Variants in CFAP57 observed in about 807,000 individuals in gnomAD.
The protein encoded by CFAP57 is cilia- and flagella-associated protein 57.
Under a neutral mutation model 146.8 loss-of-function variants are expected in CFAP57, and 116 were observed. That is an observed-to-expected ratio of 0.79 (90% CI 0.68 to 0.92). CFAP57 has a LOEUF of 0.92. Ranked by LOEUF, CFAP57 falls within the 40% of genes least tolerant of loss-of-function variation. The probability of loss-of-function intolerance (pLI) is 0.00; values close to 1 mark genes in which losing one functional copy is unlikely to be tolerated. For synonymous variants in CFAP57, 518 were observed against 552.8 expected, an observed-to-expected ratio of 0.94 and a Z score of 0.88; for missense variants, 1,377 against 1,527.2, an observed-to-expected ratio of 0.90 and a Z score of 1.64.
chr1:43,215,549 C>T (rs1644802099), intron 12 of CFAP57, 133 bp downstream of exon 12: 1 of 1,052,108 alleles, frequency 9.5e-7, no homozygotes, highest in African/African-American at 1.6e-5. Flanking sequence ...GCTCCCTGCA[C>T]ATCTGCTGTC....
chr1:43,174,433 T>G (rs1645092951), intron 2 of CFAP57, among the ~76,000 whole-genome samples: 1 of 152,268 alleles, frequency 6.6e-6, no homozygotes, highest in Non-Finnish European at 1.5e-5. Context: ...TAGACTATCA[T>G]GTTATCTACA....
At chr1:43,235,225 C>T (rs1645642322) in intron 21 of CFAP57, among the ~76,000 whole-genome samples, 1 of 152,110 alleles carries the variant, frequency 6.6e-6, no homozygotes, top group Admixed American at 6.5e-5. Flanking sequence ...ATAAGCGCCT[C>T]ACACCCACCT....
Position 43,181,436 on chromosome 1 carries a change from C to G in CFAP57, c.158-98C>G, listed in dbSNP as rs1645403077. ...GGCCGCCTTTCTTCTTTGTGTCCAC[C>G]ACTGTCCACTCCAGTGCCCACCACA... On this transcript the variant is annotated intron_variant, in intron 2 of 22. Transcript: ENST00000372492. 2.8e-6 allele frequency: 4 copies of G among 1,408,794 alleles called. No homozygotes were observed. The South Asian group carries it at 3.6e-5, about 13-fold the overall frequency. The allele number at this position is 1,408,794 out of a possible 1,614,324, so 87.3% of individuals were successfully genotyped here.
Position 43,172,452 on chromosome 1 carries a change from A to G in CFAP57, c.-21A>G. On this transcript the variant is annotated splice_region_variant and 5_prime_UTR_variant, in exon 1 of 23. Coordinates refer to ENST00000372492, the MANE Select transcript of CFAP57 (RefSeq NM_001378189.1). ...GTCTGCTGACCCAGAGAGAAACGAAAGGTGGGAGGGGGTACCTGGGGGTCG... is the reference window on the plus strand; with the variant it reads ...GTCTGCTGACCCAGAGAGAAACGAAGGGTGGGAGGGGGTACCTGGGGGTCG... 4.6e-6 allele frequency: 7 copies of G among 1,528,724 alleles called. No individual in the cohort carries two copies. Among genetic ancestry groups the G allele is most frequent in the Middle Eastern group, 1.8e-4 (1 of 5,680 alleles). 94.7% of individuals were successfully genotyped at this position (1,528,724 alleles called of 1,614,324 possible). A position where few individuals can be genotyped will look rare whatever the true frequency, so the allele number is the denominator to read the frequency against.
In CFAP57 at chr1:43,226,966, T is replaced by C. The variant is rs976609990; in HGVS notation, c.2866-17T>C. 4.0e-6 allele frequency: 6 copies of C among 1,489,292 alleles called. No individual in the cohort carries two copies. The African/African-American group carries it at 8.5e-5, about 21-fold the overall frequency. 92.3% of individuals were successfully genotyped at this position (1,489,292 alleles called of 1,614,324 possible). A position where few individuals can be genotyped will look rare whatever the true frequency, so the allele number is the denominator to read the frequency against. On this transcript the variant is annotated splice_polypyrimidine_tract_variant and intron_variant, in intron 17 of 22. Transcript: ENST00000372492. ...GGCCTTACAATATCTCTCACTTCTC[T>C]CTCATCTCACCCCCAGGAGAAGCGA...
chr1:43,191,369 C>T (rs763372361), intron 6 of CFAP57, among the ~76,000 whole-genome samples: 2 of 152,096 alleles, frequency 1.3e-5, no homozygotes, highest in Non-Finnish European at 2.9e-5. Context: ...AGGCAGGTCA[C>T]GAGCTCAGGA....
chr1:43,248,023 G>A (rs1025665079), intron 22 of CFAP57, among the ~76,000 whole-genome samples: 5 of 151,210 alleles, frequency 3.3e-5, no homozygotes, highest in African/African-American at 1.2e-4. Context: ...TACTCGGGAG[G>A]TAGCCACTCA....
intron 2 of CFAP57, among the ~76,000 whole-genome samples, chr1:43,180,296 CTG>C (rs1198421085): frequency 6.7e-6 from 1 of 149,668 alleles, no homozygotes; most frequent in Non-Finnish European, 1.5e-5. Flanking sequence ...TACTTTATGA[CTG>C]TATTGGTATA....
intron 1 of CFAP57, 60 bp from the exon 2 acceptor site, chr1:43,172,675 G>A: frequency 6.3e-7 from 1 of 1,577,172 alleles, no homozygotes; most frequent in Middle Eastern, 2.3e-4. Context: ...TCCGGGCCGG[G>A]GGCGGGGTCG....
rs1479622287 is a variant in CFAP57, at chr1:43,221,403, T to G, written c.2279T>G (p.Val760Gly). The G allele has an allele frequency of 1.3e-6, 2 of 1,543,402 alleles. No individual in the cohort carries two copies. The highest frequency in any genetic ancestry group is 2.7e-5 in the African/African-American group (2 of 72,808). Residue 760 changes from valine (V) to glycine (G), a missense_variant, in exon 14 of 23, where the codon GTT (valine) becomes GGT (glycine). Val to Gly is a moderately radical substitution (Grantham distance 109). Coordinates refer to ENST00000372492, the MANE Select transcript of CFAP57 (RefSeq NM_001378189.1). ...VLRTEKEKQD[V>G]YHHEHIEDLL... ...AGAACAGAAAAAGAGAAGCAGGATG[T>G]TTATCACCATGAGCACATAGAAGAC...
chr1:43,225,887 T>G lies in CFAP57; in HGVS notation c.2866-1096T>G, dbSNP rs149872860. 5.8e-4 allele frequency among the ~76,000 whole-genome samples: 88 copies of G among 152,330 alleles called. No individual in the cohort carries two copies. In the East Asian group the frequency reaches 0.017, roughly 29 times the overall value. ...ACAAATTAACCTTAAAACTTACTGA[T>G]TGAGGCCAGGTGTGGTGGCTCACGC... On this transcript the variant is annotated intron_variant, in intron 17 of 22. Coordinates refer to ENST00000372492, the MANE Select transcript of CFAP57 (RefSeq NM_001378189.1).
At chr1:43,251,412 G>C (rs957582550) in intron 22 of CFAP57, among the ~76,000 whole-genome samples, 4 of 152,180 alleles carry the variant, frequency 2.6e-5, no homozygotes, top group African/African-American at 9.7e-5. Flanking sequence ...GCAGTGATCT[G>C]GTGAGTTTCA....
At chr1:43,251,052 T>A (rs1209643681) in intron 22 of CFAP57, among the ~76,000 whole-genome samples, 1 of 152,164 alleles carries the variant, frequency 6.6e-6, no homozygotes, top group African/African-American at 2.4e-5. Context: ...GAAATTCACC[T>A]CCAGCCAAAA....
At chr1:43,190,489 C>G (rs1005531112) in intron 6 of CFAP57, among the ~76,000 whole-genome samples, 6 of 152,072 alleles carry the variant, frequency 3.9e-5, no homozygotes, top group African/African-American at 1.4e-4. Context: ...CCAGGATGGT[C>G]TCGATCTCCT....
In CFAP57 at chr1:43,199,279, C is replaced by G. The variant is rs1476524200; in HGVS notation, c.1429-111C>G. 4.0e-6 allele frequency: 4 copies of G among 1,001,582 alleles called. No homozygotes were observed. The East Asian group carries it at 9.5e-5, about 24-fold the overall frequency. 62.0% of individuals were successfully genotyped at this position (1,001,582 alleles called of 1,614,324 possible). ...TTTGCACCTTCCCCCCACTCCCACC[C>G]TCACACGTAGTTTCAGTCTGAACTC... On this transcript the variant is annotated intron_variant, in intron 8 of 22. Transcript: ENST00000372492.
At position 43,234,589 on chromosome 1, in the gene CFAP57, T is replaced by C; in HGVS notation, c.3356T>C (p.Val1119Ala). 6.5e-7 allele frequency: 1 copy of C among 1,550,142 alleles called. No homozygotes were observed. Among genetic ancestry groups the C allele is most frequent in the African/African-American group, 1.4e-5 (1 of 72,998 alleles). Residue 1119 changes from valine to alanine, a missense_variant, in exon 21 of 23, where the codon GTG becomes GCG. Transcript: ENST00000372492. ...ERNLATLKKK[V>A]VKEGELHRTD... The stretch of plus-strand genomic sequence containing the variant: ...AACCTGGCCACTCTCAAGAAGAAGG[T>C]GGTCAAGGAGGGCGAGCTGCACCGC...
intron 10 of CFAP57, among the ~76,000 whole-genome samples, chr1:43,209,331 A>G (rs1644492236): frequency 6.6e-6 from 1 of 152,206 alleles, no homozygotes; most frequent in Non-Finnish European, 1.5e-5. Flanking sequence ...ACTGGAGCCC[A>G]CCCAGGTACA....
At chr1:43,182,220 CG>C (rs1645442457) in intron 3 of CFAP57, among the ~76,000 whole-genome samples, 1 of 152,168 alleles carries the variant, frequency 6.6e-6, no homozygotes, top group East Asian at 1.9e-4. Context: ...GCAGCATTGC[CG>C]GGCAGTAGGA....
chr1:43,236,446 G>A (rs1386904759), intron 21 of CFAP57, among the ~76,000 whole-genome samples: 1 of 151,926 alleles, frequency 6.6e-6, no homozygotes, highest in South Asian at 2.1e-4. Flanking sequence ...AGGAGACCTT[G>A]GGTAAATTCC....
Sources: allele counts gnomAD v4.1 joint callset (sites outside exome capture counted in the v4.1 genomes callset), GRCh38; gene constraint gnomAD v4.1.1; transcripts MANE v1.5; gene names NCBI Gene and HGNC (gene_info 2026-07-23, HGNC 2026-07-21).